SEL1L3: variants seen among roughly 807,000 people sequenced by gnomAD.
The protein encoded by SEL1L3 is protein sel-1 homolog 3.
Under a neutral mutation model 142.8 loss-of-function variants are expected in SEL1L3, and 76 were observed. The observed-to-expected ratio is 0.53, with a 90% CI of 0.44 to 0.64. The LOEUF (loss-of-function observed/expected upper bound fraction) is 0.64, where lower values mean the gene tolerates loss of function less well. SEL1L3 is among the 30% of genes least tolerant of loss of function. SEL1L3 has a pLI of 0.00. For missense variants in SEL1L3, 1,262 were observed against 1,381.7 expected, an observed-to-expected ratio of 0.91 and a Z score of 1.37; for synonymous variants, 504 against 519.6, an observed-to-expected ratio of 0.97 and a Z score of 0.41.
chr4:25,831,627 GC>G (rs759336934), intron 5 of SEL1L3, among the ~76,000 whole-genome samples: 44 of 151,520 alleles, frequency 2.9e-4, no homozygotes, highest in Non-Finnish European at 3.8e-4. Flanking sequence ...CCGGATTCAA[GC>G]GAGTCTCCTG....
chr4:25,743,970 A>G (rs1717188135), downstream of SEL1L3, among the ~76,000 whole-genome samples: 1 of 152,204 alleles, frequency 6.6e-6, no homozygotes, highest in Non-Finnish European at 1.5e-5. Context: ...GGGGCTTGAG[A>G]AGGTGTGTGC....
chr4:25,857,203 C>T (rs927446191), intron 1 of SEL1L3, among the ~76,000 whole-genome samples: 1 of 152,018 alleles, frequency 6.6e-6, no homozygotes, highest in Non-Finnish European at 1.5e-5. Context: ...TGCAATTAAG[C>T]AAAATGGATG....
At chr4:25,827,672 C>A (rs982880958) in intron 6 of SEL1L3, among the ~76,000 whole-genome samples, 1 of 152,168 alleles carries the variant, frequency 6.6e-6, no homozygotes, top group African/African-American at 2.4e-5. Context: ...CACCCCGGCC[C>A]CAGCCCTGGA....
chr4:25,817,904 A>G (rs1714498835), intron 9 of SEL1L3, among the ~76,000 whole-genome samples: 1 of 152,212 alleles, frequency 6.6e-6, no homozygotes, highest in Admixed American at 6.5e-5. Context: ...GCTTTCAATA[A>G]AGAATTGCTT....
chr4:25,756,366 T>C, intron 23 of SEL1L3: 1 of 985,380 alleles, frequency 1.0e-6, no homozygotes, highest in Non-Finnish European at 1.2e-6. Flanking sequence ...CAGCTTATGG[T>C]CTAATAGAGG....
At chr4:25,825,666 ATTTTT>A (rs33997941) in intron 6 of SEL1L3, among the ~76,000 whole-genome samples, 2,373 of 74,026 alleles carry the variant, frequency 0.032, 65 homozygotes, top group African/African-American at 0.12. Context: ...TCTAAATTCT[ATTTTT>A]TTTTTTTTTT....
At chr4:25,782,696 T>C (rs1711524778) in intron 14 of SEL1L3, among the ~76,000 whole-genome samples, 1 of 152,158 alleles carries the variant, frequency 6.6e-6, no homozygotes. Context: ...TTTGGGCTCT[T>C]ACGCAACACG....
Position 25,748,287 on chromosome 4 carries a change from A to C in SEL1L3, c.*138T>G, listed in dbSNP as rs547663751. 9.9e-5 allele frequency: 84 copies of C among 849,668 alleles called. No homozygotes were observed. In the African/African-American group the frequency reaches 1.2e-3, roughly 12 times the overall value. 52.6% of individuals were successfully genotyped at this position (849,668 alleles called of 1,614,324 possible). A position where few individuals can be genotyped will look rare whatever the true frequency, so the allele number is the denominator to read the frequency against. ...TTCCTTGTAATTTGACTTTAAAAAA[A>C]ATGACACCAATTGCAAAATTTGCAT... On this transcript the variant is annotated 3_prime_UTR_variant, in exon 24 of 24. Coordinates refer to ENST00000399878, the MANE Select transcript of SEL1L3 (RefSeq NM_015187.5).
rs150535950 is a variant in SEL1L3 at position 25,828,533 on chromosome 4, C to T, written c.1157+1565G>A. 2.1e-3 allele frequency among the ~76,000 whole-genome samples: 322 copies of T among 151,606 alleles called. 1 individual carries two copies. Among genetic ancestry groups the T allele is most frequent in the African/African-American group, 7.6e-3 (316 of 41,326 alleles). ...TTAAGTAGCTGGGATTACAGGTGCG[C>T]ACCACCATGACCAGCTAATTTTTTT... On this transcript the variant is annotated intron_variant, in intron 6 of 23. Coordinates refer to ENST00000399878, the MANE Select transcript of SEL1L3 (RefSeq NM_015187.5).
At chr4:25,746,787 A>G (rs1487111933), downstream of SEL1L3, among the ~76,000 whole-genome samples, 1 of 151,756 alleles carries the variant, frequency 6.6e-6, no homozygotes, top group Non-Finnish European at 1.5e-5. Flanking sequence ...TACAGCCTAC[A>G]GGACTCTGAG....
intron 11 of SEL1L3, among the ~76,000 whole-genome samples, chr4:25,798,824 G>A (rs1436795028): frequency 1.3e-5 from 2 of 151,856 alleles, no homozygotes; most frequent in South Asian, 2.1e-4. Flanking sequence ...GTGAGACTCT[G>A]TTTCAAAAAA....
Position 25,788,148 on chromosome 4 carries a change from C to T in SEL1L3, c.2217+76G>A, listed in dbSNP as rs1711982176. 3.4e-6 allele frequency: 5 copies of T among 1,487,744 alleles called. No individual in the cohort carries two copies. Among genetic ancestry groups the T allele is most frequent in the Admixed American group, 1.8e-5 (1 of 55,150 alleles). 92.2% of individuals were successfully genotyped at this position (1,487,744 alleles called of 1,614,324 possible). ...TCTTCAGTTATCGACTCCCTGTTTG[C>T]CAGCCCGCCCACAGGAAACTGCTCA... On this transcript the variant is annotated intron_variant, in intron 13 of 23. Transcript: ENST00000399878. The surrounding 1 kb of genome is among the most constrained non-coding windows in gnomAD (Gnocchi z 5.3).
intron 19 of SEL1L3, among the ~76,000 whole-genome samples, chr4:25,766,812 A>AGTGCC (rs1197905856): frequency 6.6e-6 from 1 of 152,170 alleles, no homozygotes; most frequent in Non-Finnish European, 1.5e-5. Context: ...CCATCCTGCA[A>AGTGCC]TCTTCTGCCA....
chr4:25,734,050 C>T, the SEL1L3 span, among the ~76,000 whole-genome samples: 5 of 152,152 alleles, frequency 3.3e-5, no homozygotes, highest in South Asian at 2.1e-4. Flanking sequence ...GACAGAGTCT[C>T]GCTCTGGCTG....
chr4:25,812,348 T>C (rs1307846778), intron 9 of SEL1L3, among the ~76,000 whole-genome samples: 1 of 152,186 alleles, frequency 6.6e-6, no homozygotes, highest in African/African-American at 2.4e-5. Flanking sequence ...TGCCACAGTG[T>C]AGGCATCCCC....
At chr4:25,715,839 T>A in the SEL1L3 span, among the ~76,000 whole-genome samples, 2 of 152,200 alleles carry the variant, frequency 1.3e-5, no homozygotes, top group Non-Finnish European at 2.9e-5. Flanking sequence ...CAGTGTACAC[T>A]AATATTTGGA....
chr4:25,728,153 G>A, the SEL1L3 span, among the ~76,000 whole-genome samples: 4 of 152,142 alleles, frequency 2.6e-5, no homozygotes, highest in African/African-American at 7.2e-5. Flanking sequence ...TAAGGCCCCA[G>A]GTTTGTCCCC....
At chr4:25,751,182 GT>G (rs1436557096) in intron 23 of SEL1L3, among the ~76,000 whole-genome samples, 1 of 152,050 alleles carries the variant, frequency 6.6e-6, no homozygotes, top group Non-Finnish European at 1.5e-5. Flanking sequence ...GGGATTTTTT[GT>G]TTTTCAAAAG....
chr4:25,842,957 A>G (rs1361643506), intron 2 of SEL1L3, among the ~76,000 whole-genome samples: 1 of 152,190 alleles, frequency 6.6e-6, no homozygotes, highest in Non-Finnish European at 1.5e-5. Flanking sequence ...AGGAGATGGC[A>G]TTGGAGCAGA....
Sources: allele counts gnomAD v4.1 joint callset (sites outside exome capture counted in the v4.1 genomes callset), GRCh38; gene constraint gnomAD v4.1.1; non-coding constraint Gnocchi (gnomAD v3.1); transcripts MANE v1.5; gene names NCBI Gene and HGNC (gene_info 2026-07-23, HGNC 2026-07-21).